RFX3: variants seen among roughly 807,000 people sequenced by gnomAD.
RFX3 encodes transcription factor RFX3.
RFX3 carries 14 observed loss-of-function variants against 98.6 expected under a neutral mutation model. The ratio of observed to expected loss-of-function variants is 0.14; its 90% CI spans 0.09 to 0.22. RFX3 has a LOEUF of 0.22. RFX3 is among the 10% of genes least tolerant of loss of function. RFX3 has a pLI of 1.00. For missense variants in RFX3, 639 were observed against 926.9 expected, an observed-to-expected ratio of 0.69 and a Z score of 4.03; for synonymous variants, 383 against 328.4, an observed-to-expected ratio of 1.17 and a Z score of -1.80.
chr9:3,236,679 C>T (rs1017149348), intron 15 of RFX3, among the ~76,000 whole-genome samples: 1 of 152,178 alleles, frequency 6.6e-6, no homozygotes, highest in African/African-American at 2.4e-5. Flanking sequence ...CAGCAGGACA[C>T]ACAAAGCAGA....
chr9:3,369,554 C>T (rs1837573925), intron 2 of RFX3, among the ~76,000 whole-genome samples: 1 of 152,080 alleles, frequency 6.6e-6, no homozygotes, highest in South Asian at 2.1e-4. Context: ...ATACCTCCAC[C>T]CATATGCTAT....
At chr9:3,452,660 A>G (rs756159777) in intron 1 of RFX3, among the ~76,000 whole-genome samples, 54 of 152,314 alleles carry the variant, frequency 3.5e-4, no homozygotes, top group South Asian at 1.7e-3. Flanking sequence ...GTGTGGGGGA[A>G]TAGGAGGCTG....
intron 1 of RFX3, among the ~76,000 whole-genome samples, chr9:3,483,300 G>T (rs1393615091): frequency 6.6e-6 from 1 of 152,126 alleles, no homozygotes; most frequent in Non-Finnish European, 1.5e-5. Context: ...TGCCAAATAT[G>T]CTGCAACATG....
chr9:3,419,147 AAAC>A (rs1207002367), intron 1 of RFX3, among the ~76,000 whole-genome samples: 4 of 152,224 alleles, frequency 2.6e-5, no homozygotes, highest in African/African-American at 9.6e-5. Flanking sequence ...TGGTTTAAAA[AAAC>A]AACAACATAT....
chr9:3,498,755 C>T (rs561511315), intron 1 of RFX3, among the ~76,000 whole-genome samples: 2 of 152,020 alleles, frequency 1.3e-5, no homozygotes, highest in Admixed American at 1.3e-4. Flanking sequence ...ACTAGCTTAC[C>T]GTGAAAAGAA....
At chr9:3,342,319 G>A (rs967800100) in intron 3 of RFX3, among the ~76,000 whole-genome samples, 1 of 152,136 alleles carries the variant, frequency 6.6e-6, no homozygotes, top group Non-Finnish European at 1.5e-5. Flanking sequence ...GAATCACACA[G>A]TGTTTCACTG....
intron 1 of RFX3, among the ~76,000 whole-genome samples, chr9:3,503,824 T>C (rs1179361951): frequency 6.6e-6 from 1 of 152,060 alleles, no homozygotes; most frequent in Non-Finnish European, 1.5e-5. Flanking sequence ...AGAGCATTTT[T>C]ATCACAGAAG....
chr9:3,427,844 A>G (rs1275744402), intron 1 of RFX3, among the ~76,000 whole-genome samples: 2 of 152,088 alleles, frequency 1.3e-5, no homozygotes, highest in African/African-American at 4.8e-5. Context: ...ACCCATATTC[A>G]GAATTCTGGA....
intron 16 of RFX3, among the ~76,000 whole-genome samples, chr9:3,227,014 T>C (rs1817856159): frequency 6.6e-6 from 1 of 152,154 alleles, no homozygotes; most frequent in African/African-American, 2.4e-5. Context: ...AGTCTTTAGG[T>C]CCTGAGTATG....
intron 15 of RFX3, among the ~76,000 whole-genome samples, chr9:3,244,131 T>C (rs1820319934): frequency 6.6e-6 from 1 of 151,898 alleles, no homozygotes; most frequent in African/African-American, 2.4e-5. Context: ...GCCTCCCGAG[T>C]AGCTGGGACT....
At chr9:3,386,977 T>C (rs541681272) in intron 2 of RFX3, among the ~76,000 whole-genome samples, 1 of 152,164 alleles carries the variant, frequency 6.6e-6, no homozygotes, top group East Asian at 1.9e-4. Context: ...GCAACACTGT[T>C]CCATATCCCT....
At chr9:3,335,157 T>C (rs2130956799) in intron 3 of RFX3, among the ~76,000 whole-genome samples, 1 of 151,940 alleles carries the variant, frequency 6.6e-6, no homozygotes, top group South Asian at 2.1e-4. Context: ...ATAATATTCT[T>C]AGCCATTGTC....
intron 1 of RFX3, among the ~76,000 whole-genome samples, chr9:3,503,871 C>G (rs1224490377): frequency 1.3e-5 from 2 of 151,658 alleles, no homozygotes; most frequent in Non-Finnish European, 2.9e-5. Flanking sequence ...TTTAAATTAG[C>G]CATAAGTAAA....
chr9:3,436,691 C>T (rs1373885516), intron 1 of RFX3, among the ~76,000 whole-genome samples: 5 of 152,020 alleles, frequency 3.3e-5, no homozygotes, highest in African/African-American at 1.2e-4. Flanking sequence ...GAAATAAATA[C>T]TTCTTTAACC....
chr9:3,454,406 T>C (rs1455731260), intron 1 of RFX3, among the ~76,000 whole-genome samples: 2 of 152,250 alleles, frequency 1.3e-5, no homozygotes, highest in East Asian at 1.9e-4. Flanking sequence ...TCTAATTCTT[T>C]GCTTTAGATT....
Position 3,353,287 on chromosome 9 carries a change from T to G in RFX3, c.118-6523A>C, listed in dbSNP as rs552435278. ...GGGTGCAGCACACCAGCATGGCACA[T>G]GTATACATATGTAACTAACCTGCAC... On this transcript the variant is annotated intron_variant, in intron 2 of 16. Transcript: ENST00000617270. Among the ~76,000 whole-genome samples the G allele has an allele frequency of 2.7e-3, 413 of 152,010 alleles. 2 individuals carry two copies. Among genetic ancestry groups the G allele is most frequent in the African/African-American group, 9.4e-3 (392 of 41,494 alleles).
chr9:3,353,197 TG>T (rs1835361464), intron 2 of RFX3, among the ~76,000 whole-genome samples: 1 of 34,394 alleles, frequency 2.9e-5, no homozygotes, highest in African/African-American at 1.2e-4. Context: ...GGGACTGTTG[TG>T]GGGTAGGGGG....
chr9:3,502,373 T>C (rs1301569960), intron 1 of RFX3, among the ~76,000 whole-genome samples: 2 of 152,256 alleles, frequency 1.3e-5, no homozygotes, highest in South Asian at 2.1e-4. Context: ...TTGAGGATAA[T>C]GAAAAGGTAC....
At chr9:3,496,814 T>C (rs1851137623) in intron 1 of RFX3, among the ~76,000 whole-genome samples, 1 of 151,952 alleles carries the variant, frequency 6.6e-6, no homozygotes, top group Non-Finnish European at 1.5e-5. Flanking sequence ...CTAACACACT[T>C]CATGCAAGAT....
Sources: allele counts gnomAD v4.1 joint callset (sites outside exome capture counted in the v4.1 genomes callset), GRCh38; gene constraint gnomAD v4.1.1; transcripts MANE v1.5; gene names NCBI Gene and HGNC (gene_info 2026-07-23, HGNC 2026-07-21).